Variants in RAPH1 observed in about 807,000 individuals in gnomAD.
RAPH1 encodes ras-associated and pleckstrin homology domains-containing protein 1.
Under a neutral mutation model 88.1 loss-of-function variants are expected in RAPH1, and 18 were observed. That is an observed-to-expected ratio of 0.20 (90% CI 0.14 to 0.30). The LOEUF (loss-of-function observed/expected upper bound fraction) is 0.30, where lower values mean the gene tolerates loss of function less well. Ranked by LOEUF, RAPH1 falls within the 10% of genes least tolerant of loss-of-function variation. RAPH1 has a pLI of 1.00. For synonymous variants in RAPH1, 587 were observed against 559.0 expected, an observed-to-expected ratio of 1.05 and a Z score of -0.71; for missense variants, 1,448 against 1,543.2, an observed-to-expected ratio of 0.94 and a Z score of 1.03.
At chr2:203,477,627 G>T (rs551745685) in intron 4 of RAPH1, among the ~76,000 whole-genome samples, 1 of 152,008 alleles carries the variant, frequency 6.6e-6, no homozygotes, top group Non-Finnish European at 1.5e-5. Flanking sequence ...TTATCATGAG[G>T]ATCTTCATCA....
intron 1 of RAPH1, 152 bp from the exon 2 acceptor site, chr2:203,495,505 A>T (rs182310621): frequency 3.1e-5 from 23 of 739,818 alleles, no homozygotes; most frequent in East Asian, 1.6e-4. Flanking sequence ...TAAGTCATTA[A>T]TGGAGACAGT....
intron 4 of RAPH1, among the ~76,000 whole-genome samples, chr2:203,481,310 T>C (rs1687709373): frequency 6.6e-6 from 1 of 152,084 alleles, no homozygotes; most frequent in South Asian, 2.1e-4. Context: ...GGCAAGTTAT[T>C]TAGTCACTCT....
Position 203,440,611 on chromosome 2 carries a change from G to C in RAPH1, c.2579C>G (p.Ser860Trp), listed in dbSNP as rs931579112. 3.2e-6 allele frequency: 5 copies of C among 1,554,774 alleles called. No homozygotes were observed. In the South Asian group the frequency reaches 6.2e-5, roughly 19 times the overall value. The change falls in exon 14 of 14, where the codon TCG becomes TGG. Residue 860 changes from serine (S) to tryptophan (W), a missense_variant. Physicochemically the swap from Ser to Trp is radical, Grantham distance 177. Transcript: ENST00000319170. ...PPPSPLSPVP[S>W]VVKQIASQFP... ...CTGGCTGGCTATCTGCTTCACGACC[G>C]AGGGCACCGGTGACAGTGGAGAGGG...
intron 12 of RAPH1, chr2:203,446,134 C>T (rs1401675968): frequency 6.6e-6 from 1 of 152,162 alleles, no homozygotes; most frequent in African/African-American, 2.4e-5. Flanking sequence ...TCCAGGACAC[C>T]ACGTCACAGT....
intron 4 of RAPH1, among the ~76,000 whole-genome samples, chr2:203,470,719 C>G (rs1268208546): frequency 6.6e-6 from 1 of 152,168 alleles, no homozygotes; most frequent in Admixed American, 6.5e-5. Flanking sequence ...ACCTATATAG[C>G]TTTAAATAGT....
intron 12 of RAPH1, 39 bp from the exon 13 acceptor site, chr2:203,445,049 T>A: frequency 6.3e-7 from 1 of 1,587,000 alleles, no homozygotes; most frequent in Non-Finnish European, 8.6e-7. Context: ...TTTAAAAGAG[T>A]CAGTATTCTG....
chr2:203,440,756 G>C lies in RAPH1; in HGVS notation c.2434C>G (p.Pro812Ala). 1 of 1,611,620 alleles carries C rather than the reference G, an allele frequency of 6.2e-7. No individual in the cohort carries two copies. Among genetic ancestry groups the C allele is most frequent in the Non-Finnish European group, 8.5e-7 (1 of 1,179,018 alleles). The part of the protein sequence containing the change: ...APPTPTPPVP[P>A]AKKQPAFPAS... ...GGGAAAGCTGGCTGCTTTTTTGCTG[G>C]GGGCACTGGAGGAGTAGGTGTGGGT... is the stretch of plus-strand genomic sequence containing the variant. The change falls in exon 14 of 14, where the codon CCA becomes GCA. Residue 812 changes from proline (P) to alanine (A), a missense_variant. Transcript: ENST00000319170.
At chr2:203,469,231 A>G (rs1409952396) in intron 4 of RAPH1, among the ~76,000 whole-genome samples, 1 of 152,078 alleles carries the variant, frequency 6.6e-6, no homozygotes, top group East Asian at 1.9e-4. Context: ...AGCTGAGGAA[A>G]AAGGAAAAAG....
chr2:203,460,074 T>C (rs1314661947), intron 6 of RAPH1, 46 bp from the exon 7 acceptor site: 1 of 1,546,220 alleles, frequency 6.5e-7, no homozygotes, highest in East Asian at 2.3e-5. Context: ...TTCATTAGAG[T>C]TGCATGAAAG....
chr2:203,501,916 CCTT>C (rs1334084091), intron 1 of RAPH1, among the ~76,000 whole-genome samples: 1 of 152,012 alleles, frequency 6.6e-6, no homozygotes, highest in Non-Finnish European at 1.5e-5. Flanking sequence ...GCAGCCTTGA[CCTT>C]CTGGGCTCAA....
chr2:203,465,365 T>C (rs1173281384), intron 4 of RAPH1, among the ~76,000 whole-genome samples: 2 of 152,212 alleles, frequency 1.3e-5, no homozygotes, highest in Non-Finnish European at 1.5e-5. Flanking sequence ...AAGTGTGTAA[T>C]ACTAAGTGAA....
At chr2:203,449,625 A>T (rs889074247) in intron 10 of RAPH1, among the ~76,000 whole-genome samples, 6 of 152,202 alleles carry the variant, frequency 3.9e-5, no homozygotes, top group African/African-American at 1.4e-4. Flanking sequence ...ACTTGTTCTG[A>T]ATGTAATGAC....
intron 3 of RAPH1, 122 bp downstream of exon 3, chr2:203,491,092 C>T (rs1688243614): frequency 2.1e-6 from 1 of 485,322 alleles, no homozygotes; most frequent in East Asian, 3.6e-5. Flanking sequence ...AATTTAAGAA[C>T]TTGGTCGAGT....
rs1241983208 is a variant in RAPH1 at position 203,506,815 on chromosome 2, T to C, written c.1-11462A>G. On this transcript the variant is annotated intron_variant, in intron 1 of 13. Transcript: ENST00000319170. ...ATATCTATATATATATCTATATCTATATATCTATATATATATCTATATCTA... is the reference window on the plus strand; with the variant it reads ...ATATCTATATATATATCTATATCTACATATCTATATATATATCTATATCTA... Among the ~76,000 whole-genome samples, 7 of 88,010 alleles carry C rather than the reference T, an allele frequency of 8.0e-5. 1 individual carries two copies. The highest frequency in any genetic ancestry group is 4.0e-4 in the African/African-American group (7 of 17,302). 57.7% of individuals were successfully genotyped at this position (88,010 alleles called of 152,430 possible). A position where few individuals can be genotyped will look rare whatever the true frequency, so the allele number is the denominator to read the frequency against.
At chr2:203,454,821 G>A (rs565392916) in intron 9 of RAPH1, among the ~76,000 whole-genome samples, 9 of 152,184 alleles carry the variant, frequency 5.9e-5, no homozygotes, top group South Asian at 2.1e-4. Flanking sequence ...ATATAGTCTA[G>A]TACATTAAAA....
rs367835496 is a variant in RAPH1, at chr2:203,440,961, C to T, written c.2229G>A (p.Pro743=). The T allele has an allele frequency of 1.4e-4, 222 of 1,534,850 alleles. No individual in the cohort carries two copies. Among genetic ancestry groups the T allele is most frequent in the South Asian group, 5.2e-4 (44 of 84,088 alleles). ...CTTGATGGATCTTCAGTGGAGGAGG[C>T]GGGGCACTGAACTGTGGAAGGGATG... ...CAPSLPQFSA[P]PPPLKIHQVQ... is the part of the protein sequence containing the mutation. The change falls in exon 14 of 14, where the codon CCG becomes CCA. Residue 743 remains proline, a synonymous_variant. Coordinates refer to ENST00000319170, the MANE Select transcript of RAPH1 (RefSeq NM_213589.3).
chr2:203,460,089 G>C, intron 6 of RAPH1, 61 bp from the exon 7 acceptor site: 1 of 1,449,854 alleles, frequency 6.9e-7, no homozygotes. Flanking sequence ...TGAAAGACAT[G>C]AAACTTTGTG....
chr2:203,493,324 A>C (rs574236678), intron 2 of RAPH1, among the ~76,000 whole-genome samples: 1 of 152,114 alleles, frequency 6.6e-6, no homozygotes, highest in Non-Finnish European at 1.5e-5. Flanking sequence ...TTCCTAGTTC[A>C]CCCAGAGCAG....
intron 4 of RAPH1, among the ~76,000 whole-genome samples, chr2:203,473,364 G>A (rs2098534747): frequency 6.6e-6 from 1 of 152,180 alleles, no homozygotes. Context: ...GAAAAAAGGG[G>A]CAGGGGTGGG....
Sources: gnomAD v4.1 joint callset for allele counts (sites outside exome capture counted in the v4.1 genomes callset) on GRCh38, gnomAD v4.1.1 for gene constraint, MANE v1.5 for transcripts, NCBI Gene and HGNC (gene_info 2026-07-23, HGNC 2026-07-21) for gene names.